Variants in TASOR2 observed in about 807,000 individuals in gnomAD.
The protein encoded by TASOR2 is protein TASOR 2.
Under a neutral mutation model 199.5 loss-of-function variants are expected in TASOR2, and 84 were observed. The ratio of observed to expected loss-of-function variants is 0.42; its 90% CI spans 0.35 to 0.50. TASOR2 has a LOEUF of 0.50. Ranked by LOEUF, TASOR2 falls within the 20% of genes least tolerant of loss-of-function variation. The probability of loss-of-function intolerance (pLI) is 0.02; values close to 1 mark genes in which losing one functional copy is unlikely to be tolerated. For synonymous variants in TASOR2, 1,103 were observed against 1,046.6 expected, an observed-to-expected ratio of 1.05 and a Z score of -1.04; for missense variants, 2,796 against 2,835.9, an observed-to-expected ratio of 0.99 and a Z score of 0.32.
chr10:5,714,391 A>T, intron 2 of TASOR2, 184 bp downstream of exon 3: 1 of 382,610 alleles, frequency 2.6e-6, no homozygotes, highest in Non-Finnish European at 4.6e-6. Context: ...ACTTAACAGT[A>T]TTTTTCAGTG....
At chr10:5,735,137 T>C (rs973658223) in intron 11 of TASOR2, among the ~76,000 whole-genome samples, 167 bp from the exon 13 acceptor site, 3 of 152,216 alleles carry the variant, frequency 2.0e-5, no homozygotes, top group Non-Finnish European at 2.9e-5. Flanking sequence ...TGTTTAACTT[T>C]TGATTTGTTA....
Position 5,730,036 on chromosome 10 carries a change from C to G in TASOR2, c.488-451C>G, listed in dbSNP as rs1834594027. ...TACTTTTTTCAGTTCAGTTGACTTG[C>G]ACTAACTTCTGAAAAGAATTTGAAG... On this transcript the variant is annotated intron_variant, in intron 10 of 20. Coordinates refer to ENST00000328090, the Ensembl canonical transcript of TASOR2. This position sits in a 1 kb window ranked among gnomAD's most constrained non-coding sequence, Gnocchi z 4.1. Among the ~76,000 whole-genome samples, 1 of 152,190 alleles carries G rather than the reference C, an allele frequency of 6.6e-6. No individual in the cohort carries two copies. Among genetic ancestry groups the G allele is most frequent in the Non-Finnish European group, 1.5e-5 (1 of 68,028 alleles).
chr10:5,745,591 C>T (rs1057270264), intron 14 of TASOR2, among the ~76,000 whole-genome samples: 2 of 152,040 alleles, frequency 1.3e-5, no homozygotes, highest in South Asian at 4.2e-4. Flanking sequence ...ACCAGCCTGG[C>T]CAACGTGGCT....
At position 5,745,978 on chromosome 10, in the gene TASOR2, T is replaced by TGGG. The variant is rs530219187; in HGVS notation, c.2758-197_2758-195dup. ...TGGTTTTAAAGAAAACAAATCCCAC[T>TGGG]GGGGGGTATTTTAAGTCTGCCTTTA... On this transcript the variant is annotated intron_variant, in intron 14 of 20. Transcript: ENST00000328090. 1.7e-3 allele frequency among the ~76,000 whole-genome samples: 258 copies of TGGG among 152,254 alleles called. 1 individual carries two copies. The highest frequency in any genetic ancestry group is 5.9e-3 in the African/African-American group (245 of 41,546).
chr10:5,743,549 C>T (rs1379243764), intron 14 of TASOR2, among the ~76,000 whole-genome samples: 1 of 152,072 alleles, frequency 6.6e-6, no homozygotes, highest in Non-Finnish European at 1.5e-5. Context: ...GTCTAGAAAA[C>T]CTAAATGTTA....
At chr10:5,727,756 C>T (rs1234688178) in intron 10 of TASOR2, among the ~76,000 whole-genome samples, 1 of 152,042 alleles carries the variant, frequency 6.6e-6, no homozygotes, top group African/African-American at 2.4e-5. Flanking sequence ...TTCTTTGTTC[C>T]CGTCAACACT....
chr10:5,714,132 A>G lies in TASOR2; in HGVS notation c.-192+1214A>G. ...CTGAAGCAAAGTAATCTTTTGTTTA[A>G]AGGCAAAATTGGTATGTCAGTGTGG... On this transcript the variant is annotated intron_variant, in intron 2 of 20. Transcript: ENST00000328090. 7 of 1,230,996 alleles carry G rather than the reference A, an allele frequency of 5.7e-6. No homozygotes were observed. The highest frequency in any genetic ancestry group is 7.1e-6 in the Non-Finnish European group (7 of 987,082). The allele number at this position is 1,230,996 out of a possible 1,614,324, so 76.3% of individuals were successfully genotyped here.
Position 5,710,221 on chromosome 10 carries a change from T to C in TASOR2, c.-287-2602T>C, listed in dbSNP as rs1015483607. Among the ~76,000 whole-genome samples the C allele has an allele frequency of 1.2e-4, 19 of 152,132 alleles. No homozygotes were observed. Among genetic ancestry groups the C allele is most frequent in the African/African-American group, 4.3e-4 (18 of 41,440 alleles). ...CTCCTCATTTACTGAACAGGAAACT[T>C]GTGCTTTCTTGAGAGTGTAATTGAT... On this transcript the variant is annotated intron_variant, in intron 1 of 20. Coordinates refer to ENST00000328090, the Ensembl canonical transcript of TASOR2. The surrounding 1 kb of genome is among the most constrained non-coding windows in gnomAD (Gnocchi z 4.6).
Position 5,748,567 on chromosome 10 carries a change from C to T in TASOR2, c.5146C>T (p.Gln1716Ter), listed in dbSNP as rs772042339. 1.2e-6 allele frequency: 2 copies of T among 1,613,468 alleles called. No individual in the cohort carries two copies. Among genetic ancestry groups the T allele is most frequent in the Non-Finnish European group, 1.7e-6 (2 of 1,180,040 alleles). The change falls in exon 15 of 21, where the codon CAG becomes TAG. Residue 1716 changes from glutamine (Q) to a stop codon, truncating the protein, a stop_gained. Coordinates refer to ENST00000328090, the Ensembl canonical transcript of TASOR2. LOFTEE classifies it high-confidence loss of function. The surrounding 1 kb of genome is among the most constrained non-coding windows in gnomAD (Gnocchi z 5.1). ...CACAGGTCCAGGCACTGCTGGCCCTCAGTCCAACACCACATCTTCTCTAAA... is the reference window on the plus strand; with the variant it reads ...CACAGGTCCAGGCACTGCTGGCCCTTAGTCCAACACCACATCTTCTCTAAA...
Position 5,718,336 on chromosome 10 carries a change from C to A in TASOR2, c.-100+586C>A, listed in dbSNP as rs562473852. ...CTCGTTTTATTGTTTTTTTTTTTAG[C>A]TTTGTTACTATCTTAAATTCTTTGG... On this transcript the variant is annotated intron_variant, in intron 3 of 20. Transcript: ENST00000328090. 2.8e-5 allele frequency among the ~76,000 whole-genome samples: 4 copies of A among 143,344 alleles called. No individual in the cohort carries two copies. The East Asian group carries it at 8.1e-4, about 29-fold the overall frequency. 94.0% of individuals were successfully genotyped at this position (143,344 alleles called of 152,430 possible).
Position 5,740,641 on chromosome 10 carries a change from C to A in TASOR2, c.2327+144C>A. 1.1e-6 allele frequency: 1 copy of A among 881,888 alleles called. No homozygotes were observed. The highest frequency in any genetic ancestry group is 1.7e-6 in the Non-Finnish European group (1 of 594,196). The allele number at this position is 881,888 out of a possible 1,614,324, so 54.6% of individuals were successfully genotyped here. ...CCAGTAATTTGATAATAACATCAAG[C>A]AAACATGTTTCCTGGCAATTAAGAG... On this transcript the variant is annotated intron_variant, in intron 13 of 20. Transcript: ENST00000328090. This position sits in a 1 kb window ranked among gnomAD's most constrained non-coding sequence, Gnocchi z 5.3.
chr10:5,723,043 C>CTTTTT lies in TASOR2; in HGVS notation c.147-612_147-608dup, dbSNP rs1183983010. Among the ~76,000 whole-genome samples the CTTTTT allele has an allele frequency of 3.1e-3, 227 of 72,908 alleles. 40 individuals are homozygous for CTTTTT. The highest frequency in any genetic ancestry group is 0.02 in the East Asian group (39 of 1,956). 47.8% of individuals were successfully genotyped at this position (72,908 alleles called of 152,430 possible). A position where few individuals can be genotyped will look rare whatever the true frequency, so the allele number is the denominator to read the frequency against. Reference sequence around the variant, plus strand: ...AAAGGAAAAAGTAGTCAGGAAATAACTTTTTTTTTTTTTTTTTTTTTTTTT... The same window carrying CTTTTT: ...AAAGGAAAAAGTAGTCAGGAAATAACTTTTTTTTTTTTTTTTTTTTTTTTTTTTTT... On this transcript the variant is annotated intron_variant, in intron 6 of 20. Coordinates refer to ENST00000328090, the Ensembl canonical transcript of TASOR2.
rs892029426 is a variant in TASOR2, at chr10:5,738,420, G to T, written c.1448-1198G>T. Among the ~76,000 whole-genome samples, 9 of 152,160 alleles carry T rather than the reference G, an allele frequency of 5.9e-5. No homozygotes were observed. Among genetic ancestry groups the T allele is most frequent in the Non-Finnish European group, 1.0e-4 (7 of 68,016 alleles). On this transcript the variant is annotated intron_variant, in intron 12 of 20. Coordinates refer to ENST00000328090, the Ensembl canonical transcript of TASOR2. The surrounding 1 kb of genome is among the most constrained non-coding windows in gnomAD (Gnocchi z 4.7). ...AGATGGAGGCCATAATATTAACAAA[G>T]AATGAAATTAGCATCAGATCACAAA... is the stretch of plus-strand genomic sequence containing the variant.
At position 5,749,627 on chromosome 10, in the gene TASOR2, G is replaced by A. The variant is rs772292549; in HGVS notation, c.6206G>A (p.Trp2069Ter). The A allele has an allele frequency of 6.2e-7, 1 of 1,614,084 alleles. No individual in the cohort carries two copies. The highest frequency in any genetic ancestry group is 8.5e-7 in the Non-Finnish European group (1 of 1,180,034). The change falls in exon 15 of 21, where the codon TGG becomes TAG. Residue 2069 changes from tryptophan (W) to a stop codon, truncating the protein, a stop_gained. Coordinates refer to ENST00000328090, the Ensembl canonical transcript of TASOR2. LOFTEE classifies it high-confidence loss of function. The stretch of plus-strand genomic sequence containing the variant: ...AGCAGTCTGGACAGCTCTTCCTCTT[G>A]GAGAGAGAGATGTAGTCATAATAGA...
At chr10:5,724,970 A>G (rs1468352309) in intron 8 of TASOR2, among the ~76,000 whole-genome samples, 1 of 152,196 alleles carries the variant, frequency 6.6e-6, no homozygotes, top group African/African-American at 2.4e-5. Flanking sequence ...TGGACTGTCC[A>G]TCTCAAAATA....
exon 15 of TASOR2, chr10:5,747,619 T>A: frequency 6.2e-7 from 1 of 1,614,194 alleles, no homozygotes; most frequent in Non-Finnish European, 8.5e-7. Context: ...TGAAGAAGTA[T>A]CACCAGCGTC....
At chr10:5,727,102 T>C (rs1335682468) in exon 10 of TASOR2, 1 of 1,614,200 alleles carries the variant, frequency 6.2e-7, no homozygotes, top group South Asian at 1.1e-5. Context: ...GTTACATTTA[T>C]TTCGTTCACC....
rs919030814 is a variant in TASOR2, at chr10:5,712,821, A to G, written c.-287-2A>G. 8 of 1,209,538 alleles carry G rather than the reference A, an allele frequency of 6.6e-6. No individual in the cohort carries two copies. The highest frequency in any genetic ancestry group is 7.2e-6 in the Non-Finnish European group (7 of 967,694). 74.9% of individuals were successfully genotyped at this position (1,209,538 alleles called of 1,614,324 possible). ...TGGTTATTCTGTTCTCTCTTTATAC[A>G]GTACAAAACTTTTTACCAACAAAAA... On this transcript the variant is annotated splice_acceptor_variant, in intron 1 of 20. Transcript: ENST00000328090. LOFTEE classifies it low-confidence loss of function (5UTR_SPLICE).
chr10:5,757,379 G>A (rs1588927145), intron 16 of TASOR2, 141 bp from the exon 18 acceptor site: 3 of 812,828 alleles, frequency 3.7e-6, no homozygotes, highest in Non-Finnish European at 5.9e-6. Context: ...ATGCAGGGCA[G>A]AATGACCAGT....
Sources: gnomAD v4.1 joint callset for allele counts (sites outside exome capture counted in the v4.1 genomes callset) on GRCh38, gnomAD v4.1.1 for gene constraint, Gnocchi (gnomAD v3.1) non-coding constraint, MANE v1.5 for transcripts, NCBI Gene and HGNC (gene_info 2026-07-23, HGNC 2026-07-21) for gene names.